The following GRIA4 variants were observed in gnomAD, a reference collection of about 807,000 sequenced individuals.
GRIA4 encodes glutamate receptor 4.
Under a neutral mutation model 104.0 loss-of-function variants are expected in GRIA4, and 34 were observed. The observed-to-expected ratio is 0.33, with a 90% CI of 0.25 to 0.44. The LOEUF (loss-of-function observed/expected upper bound fraction) is 0.44. Ranked by LOEUF, GRIA4 falls within the 20% of genes least tolerant of loss-of-function variation. GRIA4 has a pLI of 1.00. For synonymous variants in GRIA4, 386 were observed against 381.9 expected (o/e 1.01, Z -0.13); for missense variants, 750 against 1,096.5 (o/e 0.68, Z 4.46).
chr11:105,819,098 A>T (rs1426562790), intron 4 of GRIA4, among the ~76,000 whole-genome samples: 1 of 152,246 alleles, frequency 6.6e-6, no homozygotes, highest in East Asian at 1.9e-4. Context: ...TTAGTATATA[A>T]TTTGTCCTTT....
intron 3 of GRIA4, among the ~76,000 whole-genome samples, chr11:105,645,945 A>C (rs1469055344): frequency 1.3e-5 from 2 of 152,214 alleles, no homozygotes; most frequent in Non-Finnish European, 2.9e-5. Context: ...ATTGGGGTAA[A>C]GAAAGATTTC....
intron 4 of GRIA4, 76 bp from the exon 5 acceptor site, chr11:105,861,948 T>C: frequency 4.8e-6 from 4 of 839,720 alleles, no homozygotes; most frequent in Non-Finnish European, 7.9e-6. Flanking sequence ...ACAGTGTTGA[T>C]ATAGGCTCAG....
chr11:105,695,488 GTGTGTGTGTGTGTC>G (rs1264484343), intron 3 of GRIA4, among the ~76,000 whole-genome samples: 1 of 124,968 alleles, frequency 8.0e-6, no homozygotes, highest in Non-Finnish European at 1.8e-5. Context: ...CTGTGTGTGT[GTGTGTGTGTGTGTC>G]TGTGTGTGTG....
At chr11:105,664,643 T>A (rs1444412257) in intron 3 of GRIA4, among the ~76,000 whole-genome samples, 1 of 151,934 alleles carries the variant, frequency 6.6e-6, no homozygotes, top group African/African-American at 2.4e-5. Context: ...AAACAACCAA[T>A]TACAAATCTT....
At chr11:105,928,185 G>A (rs1947772860) in intron 13 of GRIA4, among the ~76,000 whole-genome samples, 1 of 151,858 alleles carries the variant, frequency 6.6e-6, no homozygotes, top group African/African-American at 2.4e-5. Context: ...TACTTTAGAT[G>A]TTTACATAAT....
At chr11:105,874,171 G>T (rs1256665568) in intron 5 of GRIA4, among the ~76,000 whole-genome samples, 1 of 152,148 alleles carries the variant, frequency 6.6e-6, no homozygotes, top group Non-Finnish European at 1.5e-5. Context: ...TATGGAATAG[G>T]AGATCCTTTC....
At chr11:105,929,314 T>G (rs746773098) in intron 13 of GRIA4, among the ~76,000 whole-genome samples, 4 of 152,092 alleles carry the variant, frequency 2.6e-5, no homozygotes, top group African/African-American at 4.8e-5. Flanking sequence ...GGCAATGACC[T>G]ATACTCAGTG....
chr11:105,724,358 T>TAC (rs1476749966), intron 3 of GRIA4, among the ~76,000 whole-genome samples: 2 of 148,130 alleles, frequency 1.4e-5, no homozygotes, highest in Non-Finnish European at 3.0e-5. Context: ...GATAGATGGA[T>TAC]ACACACACAC....
chr11:105,764,892 A>G (rs1005234361), intron 4 of GRIA4, among the ~76,000 whole-genome samples: 2 of 152,168 alleles, frequency 1.3e-5, no homozygotes, highest in African/African-American at 4.8e-5. Flanking sequence ...TTGTCTAAAA[A>G]CATGGGAACA....
In GRIA4 at chr11:105,891,722, T is replaced by G. The variant is rs73542816; in HGVS notation, c.726+4150T>G. Among the ~76,000 whole-genome samples the G allele has an allele frequency of 5.8e-3, 881 of 152,314 alleles. 12 individuals are homozygous for G. Among genetic ancestry groups the G allele is most frequent in the African/African-American group, 0.02 (839 of 41,576 alleles). ...GTTCTCAAACTACCCTGTGTACTCA[T>G]AGTATAGAACTTATTCTTGTTTTTT... On this transcript the variant is annotated intron_variant, in intron 6 of 16. Coordinates refer to ENST00000282499, the MANE Select transcript of GRIA4 (RefSeq NM_000829.4).
At chr11:105,891,256 C>T (rs1485403164) in intron 6 of GRIA4, among the ~76,000 whole-genome samples, 1 of 152,092 alleles carries the variant, frequency 6.6e-6, no homozygotes, top group Non-Finnish European at 1.5e-5. Flanking sequence ...ACCTGATTCC[C>T]CATGGGGTTT....
At chr11:105,620,783 G>T (rs1284905172) in intron 3 of GRIA4, among the ~76,000 whole-genome samples, 3 of 151,716 alleles carry the variant, frequency 2.0e-5, no homozygotes, top group Admixed American at 2.0e-4. Context: ...TCATTAGTTG[G>T]CCAGTCTACA....
At chr11:105,974,606 G>A (rs756654482) in intron 16 of GRIA4, 162 bp downstream of exon 16, 39 of 1,570,006 alleles carry the variant, frequency 2.5e-5, no homozygotes, top group East Asian at 6.7e-5. Context: ...TCCTGTGAAC[G>A]CAGTGTTGTG....
At chr11:105,759,879 T>C (rs1270879510) in intron 4 of GRIA4, among the ~76,000 whole-genome samples, 4 of 152,150 alleles carry the variant, frequency 2.6e-5, no homozygotes, top group Non-Finnish European at 5.9e-5. Flanking sequence ...TGTTTAATTA[T>C]GTCTTCATCA....
chr11:105,617,002 C>T lies in GRIA4; in HGVS notation c.247+4568C>T, dbSNP rs796222216. Among the ~76,000 whole-genome samples the T allele has an allele frequency of 6.3e-4, 95 of 150,798 alleles. 1 individual carries two copies. Among genetic ancestry groups the T allele is most frequent in the African/African-American group, 2.1e-3 (86 of 41,240 alleles). ...TATATTTGATGTATTTTAGAGTTGTCGTAGGATTAAGCTTTCATAAAGCTG... is the reference window on the plus strand; with the variant it reads ...TATATTTGATGTATTTTAGAGTTGTTGTAGGATTAAGCTTTCATAAAGCTG... On this transcript the variant is annotated intron_variant, in intron 3 of 16. Coordinates refer to ENST00000282499, the MANE Select transcript of GRIA4 (RefSeq NM_000829.4).
At chr11:105,749,576 C>T (rs566361187) in intron 3 of GRIA4, among the ~76,000 whole-genome samples, 11 of 152,224 alleles carry the variant, frequency 7.2e-5, no homozygotes, top group South Asian at 4.1e-4. Flanking sequence ...GAGCTAAGGC[C>T]GTGTCCTTTG....
intron 3 of GRIA4, among the ~76,000 whole-genome samples, chr11:105,657,608 A>T: frequency 6.6e-6 from 1 of 151,902 alleles, no homozygotes; most frequent in East Asian, 1.9e-4. Context: ...TTATAATACT[A>T]TCAGTGAAAG....
intron 14 of GRIA4, among the ~76,000 whole-genome samples, chr11:105,971,226 A>C (rs1454131074): frequency 6.6e-6 from 1 of 152,236 alleles, no homozygotes; most frequent in African/African-American, 2.4e-5. Context: ...TAGACAAGAT[A>C]GATGAAAATT....
intron 3 of GRIA4, among the ~76,000 whole-genome samples, chr11:105,634,101 C>A (rs975957383): frequency 2.0e-5 from 3 of 152,022 alleles, no homozygotes; most frequent in African/African-American, 7.2e-5. Flanking sequence ...GTAATCCCAG[C>A]ACTTTGGGAG....
Sources: gnomAD v4.1 joint callset for allele counts (sites outside exome capture counted in the v4.1 genomes callset) on GRCh38, gnomAD v4.1.1 for gene constraint, MANE v1.5 for transcripts, NCBI Gene and HGNC (gene_info 2026-07-23, HGNC 2026-07-21) for gene names.